Variants in CDK14 observed in about 807,000 individuals in gnomAD.
The protein encoded by CDK14 is cyclin dependent kinase 14.
CDK14 carries 34 observed loss-of-function variants against 60.7 expected under a neutral mutation model. The ratio of observed to expected loss-of-function variants is 0.56; its 90% CI spans 0.43 to 0.75. CDK14 has a LOEUF of 0.75. Ranked by LOEUF, CDK14 falls within the 30% of genes least tolerant of loss-of-function variation. The pLI, the probability that CDK14 is intolerant of heterozygous loss-of-function variation, is 0.00. For synonymous variants in CDK14, 197 were observed against 203.7 expected (o/e 0.97, Z 0.28); for missense variants, 482 against 564.1 (o/e 0.85, Z 1.47).
chr7:90,890,772 A>G (rs1388450321), intron 6 of CDK14, among the ~76,000 whole-genome samples: 3 of 152,218 alleles, frequency 2.0e-5, no homozygotes, highest in Non-Finnish European at 4.4e-5. Context: ...GGAAAATGGC[A>G]TTGATTGCTG....
chr7:90,754,059 G>T (rs1562754050), intron 4 of CDK14, among the ~76,000 whole-genome samples: 2 of 152,184 alleles, frequency 1.3e-5, no homozygotes, highest in Non-Finnish European at 2.9e-5. Flanking sequence ...GCTGCCCAAT[G>T]CAATCTATTG....
chr7:90,713,981 G>T (rs1016213591), intron 2 of CDK14, among the ~76,000 whole-genome samples: 1 of 152,036 alleles, frequency 6.6e-6, no homozygotes, highest in Admixed American at 6.6e-5. Flanking sequence ...TGTAATAAGA[G>T]CTCAACAAGT....
chr7:91,069,306 A>T (rs1425152757), intron 11 of CDK14, among the ~76,000 whole-genome samples: 1 of 152,216 alleles, frequency 6.6e-6, no homozygotes, highest in Non-Finnish European at 1.5e-5. Flanking sequence ...CAGGAGGCTG[A>T]GGCGGGAGGA....
At chr7:90,784,111 A>G (rs187488176) in intron 4 of CDK14, among the ~76,000 whole-genome samples, 43 of 152,292 alleles carry the variant, frequency 2.8e-4, no homozygotes, top group Non-Finnish European at 4.6e-4. Context: ...AAATAATTAG[A>G]TATTGTCACT....
intron 10 of CDK14, among the ~76,000 whole-genome samples, chr7:91,034,979 T>C (rs962683160): frequency 2.7e-4 from 31 of 115,232 alleles, no homozygotes; most frequent in Admixed American, 1.7e-3. Context: ...CACACACACA[T>C]TGATAGCTTA....
At chr7:90,759,071 A>AT (rs1804206392) in intron 4 of CDK14, among the ~76,000 whole-genome samples, 1 of 151,424 alleles carries the variant, frequency 6.6e-6, no homozygotes. Context: ...AAAAAAAAAA[A>AT]TCGTAAAACA....
At chr7:91,096,405 A>G (rs888742759) in intron 12 of CDK14, among the ~76,000 whole-genome samples, 15 of 152,286 alleles carry the variant, frequency 9.8e-5, no homozygotes, top group Middle Eastern at 3.4e-3. Flanking sequence ...ATGTGAACGA[A>G]TTACCTTGGA....
intron 8 of CDK14, among the ~76,000 whole-genome samples, chr7:90,944,898 A>AGGG (rs998952381): frequency 7.2e-5 from 11 of 152,320 alleles, no homozygotes; most frequent in African/African-American, 2.6e-4. Context: ...TGGACCAGGA[A>AGGG]GGGGAGGGCA....
chr7:90,761,157 C>T (rs2116859927), intron 4 of CDK14, among the ~76,000 whole-genome samples: 1 of 152,310 alleles, frequency 6.6e-6, no homozygotes, highest in African/African-American at 2.4e-5. Context: ...ACTGGAATAA[C>T]TTTCCTATTA....
At chr7:91,086,935 C>T (rs763241740) in intron 12 of CDK14, among the ~76,000 whole-genome samples, 10 of 151,878 alleles carry the variant, frequency 6.6e-5, no homozygotes, top group Admixed American at 1.3e-4. Flanking sequence ...TCGCTTTTAG[C>T]GTTTTTGTTT....
chr7:90,654,859 A>G (rs1218364858), intron 2 of CDK14, among the ~76,000 whole-genome samples: 1 of 152,192 alleles, frequency 6.6e-6, no homozygotes, highest in Non-Finnish European at 1.5e-5. Flanking sequence ...AGTTTACATT[A>G]GGGTTCACTC....
At chr7:91,117,999 T>TAA in intron 13 of CDK14, 66 bp from the exon 14 acceptor site, 6 of 851,478 alleles carry the variant, frequency 7.0e-6, no homozygotes, top group African/African-American at 1.7e-5. Flanking sequence ...TCCATTTTTT[T>TAA]AAAAAAAAAA....
At chr7:91,187,484 G>A (rs1227456533) in intron 14 of CDK14, among the ~76,000 whole-genome samples, 1 of 152,176 alleles carries the variant, frequency 6.6e-6, no homozygotes, top group Non-Finnish European at 1.5e-5. Flanking sequence ...ATCAGGAAGA[G>A]TAAAGGAACC....
chr7:90,862,458 C>T (rs1791040765), intron 5 of CDK14, among the ~76,000 whole-genome samples: 1 of 152,104 alleles, frequency 6.6e-6, no homozygotes, highest in South Asian at 2.1e-4. Flanking sequence ...TCAAAGAAGA[C>T]ATACCAATCC....
At chr7:90,671,691 T>C (rs1389015607) in intron 2 of CDK14, among the ~76,000 whole-genome samples, 2 of 152,198 alleles carry the variant, frequency 1.3e-5, no homozygotes, top group South Asian at 2.1e-4. Flanking sequence ...CTTTAGCTTA[T>C]ATATCACCAC....
intron 12 of CDK14, among the ~76,000 whole-genome samples, chr7:91,087,980 G>A (rs1443761136): frequency 6.6e-6 from 1 of 152,122 alleles, no homozygotes; most frequent in Non-Finnish European, 1.5e-5. Context: ...AAATTAGATT[G>A]AAAGAAACCC....
chr7:90,726,199 T>G, intron 2 of CDK14: 2 of 464,046 alleles, frequency 4.3e-6, no homozygotes, highest in Non-Finnish European at 5.7e-6. Flanking sequence ...CTATTTTTTG[T>G]TTTTTAAATT....
chr7:90,864,274 G>T (rs1791104290), intron 6 of CDK14, among the ~76,000 whole-genome samples: 1 of 152,160 alleles, frequency 6.6e-6, no homozygotes, highest in African/African-American at 2.4e-5. Context: ...ATATGGTAAT[G>T]TGACTGCAAG....
At chr7:91,012,888 A>T (rs2115825540) in intron 10 of CDK14, among the ~76,000 whole-genome samples, 1 of 152,308 alleles carries the variant, frequency 6.6e-6, no homozygotes, top group South Asian at 2.1e-4. Flanking sequence ...AAAAATATGT[A>T]ATTTTTTGAG....
Sources: gnomAD v4.1 joint callset for allele counts (sites outside exome capture counted in the v4.1 genomes callset) on GRCh38, gnomAD v4.1.1 for gene constraint, MANE v1.5 for transcripts, NCBI Gene and HGNC (gene_info 2026-07-23, HGNC 2026-07-21) for gene names.